TOGARAM1: variants seen among roughly 807,000 people sequenced by gnomAD.
The protein encoded by TOGARAM1 is TOG array regulator of axonemal microtubules 1, also known as TOG array regulator of axonemal microtubules protein 1.
TOGARAM1 carries 100 observed loss-of-function variants against 166.6 expected under a neutral mutation model. The observed-to-expected ratio is 0.60, with a 90% CI of 0.51 to 0.71. The LOEUF (loss-of-function observed/expected upper bound fraction) is 0.71. TOGARAM1 is among the 30% of genes least tolerant of loss of function. The probability of loss-of-function intolerance (pLI) is 0.00; values close to 1 mark genes in which losing one functional copy is unlikely to be tolerated. For synonymous variants in TOGARAM1, 758 were observed against 763.8 expected (o/e 0.99, Z 0.13); for missense variants, 2,029 against 2,102.7 (o/e 0.96, Z 0.69).
At chr14:44,972,270 G>A (rs895510135) in intron 1 of TOGARAM1, among the ~76,000 whole-genome samples, 2 of 151,732 alleles carry the variant, frequency 1.3e-5, no homozygotes, top group South Asian at 2.1e-4. Context: ...TAAAGTGTGT[G>A]TGTGTTTTTT....
At chr14:45,045,849 A>G (rs1476918902) in intron 13 of TOGARAM1, among the ~76,000 whole-genome samples, 2 of 150,770 alleles carry the variant, frequency 1.3e-5, no homozygotes, top group East Asian at 1.9e-4. Flanking sequence ...TTTTGTTGCT[A>G]TAAACATACA....
chr14:45,019,560 C>T (rs761249970), intron 7 of TOGARAM1, among the ~76,000 whole-genome samples: 1 of 152,148 alleles, frequency 6.6e-6, no homozygotes, highest in Non-Finnish European at 1.5e-5. Context: ...GTAGCCGTTG[C>T]CAGCTCGAAT....
intron 11 of TOGARAM1, among the ~76,000 whole-genome samples, chr14:45,035,711 A>G (rs1335945810): frequency 1.3e-5 from 2 of 152,172 alleles, no homozygotes; most frequent in African/African-American, 2.4e-5. Context: ...ACTACTCATC[A>G]AATACACTGC....
At chr14:45,054,634 G>A in intron 16 of TOGARAM1, 85 bp downstream of exon 16, 1 of 934,858 alleles carries the variant, frequency 1.1e-6, no homozygotes, top group Non-Finnish European at 1.6e-6. Context: ...ACTACCCCAG[G>A]GGTATTTGCC....
chr14:45,017,913 A>C (rs1283511183), intron 7 of TOGARAM1, among the ~76,000 whole-genome samples: 1 of 152,098 alleles, frequency 6.6e-6, no homozygotes, highest in Non-Finnish European at 1.5e-5. Context: ...CATTGTTAAG[A>C]ATGGTTTTTT....
Position 44,962,573 on chromosome 14 carries a change from G to A in TOGARAM1, c.152G>A (p.Arg51His). ...AGAGGAGAGAAAAACTACTACTTCC[G>A]TGGAGCTGCGGGGGACCACGGTTCC... Reference protein sequence around the residue: ...IMRGEKNYYFRGAAGDHGSCP... With the variant: ...IMRGEKNYYFHGAAGDHGSCP... Residue 51 changes from arginine to histidine, a missense_variant, in exon 1 of 20, where the codon CGT becomes CAT. Around this residue, in one of 2 missense-constraint regions of TOGARAM1, gnomAD observed 1,453 missense variants for 1,432.2 expected, o/e 1.01. Coordinates refer to ENST00000361462, the MANE Select transcript of TOGARAM1 (RefSeq NM_001308120.2). 3 of 1,613,946 alleles carry A rather than the reference G, an allele frequency of 1.9e-6. No homozygotes were observed. The highest frequency in any genetic ancestry group is 2.5e-6 in the Non-Finnish European group (3 of 1,179,886).
At chr14:44,967,017 T>C (rs1188417914) in intron 1 of TOGARAM1, among the ~76,000 whole-genome samples, 1 of 152,134 alleles carries the variant, frequency 6.6e-6, no homozygotes, top group Non-Finnish European at 1.5e-5. Flanking sequence ...GTTTTTTTTT[T>C]CTTGCTTCAG....
chr14:44,997,600 G>A (rs917697777), intron 2 of TOGARAM1, among the ~76,000 whole-genome samples: 1 of 152,034 alleles, frequency 6.6e-6, no homozygotes, highest in Non-Finnish European at 1.5e-5. Flanking sequence ...GTACTTTAGA[G>A]GAAATGGTCA....
At position 45,060,907 on chromosome 14, in the gene TOGARAM1, A is replaced by G. The variant is rs548169084; in HGVS notation, c.4560-5671A>G. On this transcript the variant is annotated intron_variant, in intron 16 of 19. Coordinates refer to ENST00000361462, the MANE Select transcript of TOGARAM1 (RefSeq NM_001308120.2). ...GGTGGTTTCTGCTAGGCACTGTACT[A>G]TTTTTCCATTTATAGTTAATAGATA... 3.4e-4 allele frequency among the ~76,000 whole-genome samples: 52 copies of G among 152,204 alleles called. No homozygotes were observed. The South Asian group carries it at 5.8e-3, about 17-fold the overall frequency.
chr14:45,035,000 GATATA>G (rs923431646), intron 11 of TOGARAM1, among the ~76,000 whole-genome samples: 5 of 152,232 alleles, frequency 3.3e-5, no homozygotes, highest in African/African-American at 9.6e-5. Flanking sequence ...CAAGTAAAGA[GATATA>G]ATATATATAA....
intron 11 of TOGARAM1, chr14:45,042,356 C>T (rs574181574): frequency 2.6e-5 from 4 of 152,046 alleles, no homozygotes; most frequent in Non-Finnish European, 1.5e-5. Flanking sequence ...TCTTTATTAC[C>T]AAGGGACAGA....
chr14:44,998,433 G>A (rs1055005353), intron 2 of TOGARAM1, among the ~76,000 whole-genome samples: 1 of 152,192 alleles, frequency 6.6e-6, no homozygotes, highest in Non-Finnish European at 1.5e-5. Flanking sequence ...AGGAGGGAGA[G>A]GCTGGGCGCT....
At chr14:44,966,174 AT>A (rs1885527821) in intron 1 of TOGARAM1, among the ~76,000 whole-genome samples, 1 of 151,368 alleles carries the variant, frequency 6.6e-6, no homozygotes, top group South Asian at 2.1e-4. Context: ...CCAAATTGTA[AT>A]TTTTAAATTA....
chr14:45,025,061 G>T (rs1471340791), intron 7 of TOGARAM1, among the ~76,000 whole-genome samples: 1 of 152,064 alleles, frequency 6.6e-6, no homozygotes, highest in Admixed American at 6.6e-5. Context: ...CTATCCCCAT[G>T]GAACTTACAG....
At chr14:45,005,207 C>A (rs371574040) in intron 4 of TOGARAM1, among the ~76,000 whole-genome samples, 1 of 152,134 alleles carries the variant, frequency 6.6e-6, no homozygotes, top group Non-Finnish European at 1.5e-5. Context: ...AGCTACTGCA[C>A]CTGGCTGAAA....
At position 44,999,484 on chromosome 14, in the gene TOGARAM1, T is replaced by G. The variant is rs963606602; in HGVS notation, c.2325T>G (p.Ser775Arg). ...TACAATTCCTAGGGACAACTAGCAGTCATCAAGAAAAAGGTATAAGTTCCA... is the reference window on the plus strand; with the variant it reads ...TACAATTCCTAGGGACAACTAGCAGGCATCAAGAAAAAGGTATAAGTTCCA... ...SDLQFLGTTS[S>R]HQEKVYASLN... is the part of the protein sequence containing the mutation. The change falls in exon 3 of 20, where the codon AGT becomes AGG. Residue 775 changes from serine (S) to arginine (R), a missense_variant. Physicochemically the swap from Ser to Arg is moderately radical, Grantham distance 110. This residue lies in a region of TOGARAM1 where 1,453 missense variants were observed against 1,432.2 expected (regional missense o/e 1.01). Transcript: ENST00000361462. 2.5e-6 allele frequency: 4 copies of G among 1,602,116 alleles called. No homozygotes were observed. The highest frequency in any genetic ancestry group is 2.6e-6 in the Non-Finnish European group (3 of 1,173,906).
rs1367387060 is a variant in TOGARAM1, at chr14:45,073,896, A to T, written c.*335A>T. On this transcript the variant is annotated 3_prime_UTR_variant, in exon 20 of 20. Coordinates refer to ENST00000361462, the MANE Select transcript of TOGARAM1 (RefSeq NM_001308120.2). ...TATATGTAAAATTAGAATTGTAATTAAAAATACACATTTTATTATGTAATC... is the reference window on the plus strand; with the variant it reads ...TATATGTAAAATTAGAATTGTAATTTAAAATACACATTTTATTATGTAATC... 1.1e-5 allele frequency: 2 copies of T among 178,726 alleles called. No homozygotes were observed. Among genetic ancestry groups the T allele is most frequent in the Non-Finnish European group, 2.3e-5 (2 of 85,280 alleles). 11.1% of individuals were successfully genotyped at this position (178,726 alleles called of 1,614,324 possible). A position where few individuals can be genotyped will look rare whatever the true frequency, so the allele number is the denominator to read the frequency against.
At position 44,963,034 on chromosome 14, in the gene TOGARAM1, A is replaced by AT. The variant is rs1885276737; in HGVS notation, c.614dup (p.Cys206MetfsTer5). The AT allele has an allele frequency of 1.2e-6, 2 of 1,614,056 alleles. No individual in the cohort carries two copies. The stretch of plus-strand genomic sequence containing the variant: ...GAAAGATGCGCTGCAGATCCTTCAT[A>AT]TATGTCTGAAACGTAGTCCTGGAGA... On this transcript the variant is annotated frameshift_variant, in exon 1 of 20. Coordinates refer to ENST00000361462, the MANE Select transcript of TOGARAM1 (RefSeq NM_001308120.2). LOFTEE classifies it high-confidence loss of function.
At chr14:45,028,529 T>A (rs1308404623) in intron 10 of TOGARAM1, among the ~76,000 whole-genome samples, 200 bp downstream of exon 10, 1 of 152,184 alleles carries the variant, frequency 6.6e-6, no homozygotes, top group East Asian at 1.9e-4. Flanking sequence ...CTTGATTATC[T>A]CAAAGGTCCA....
Sources: allele counts gnomAD v4.1 joint callset (sites outside exome capture counted in the v4.1 genomes callset), GRCh38; gene constraint gnomAD v4.1.1; regional missense constraint gnomAD v4.1.1; transcripts MANE v1.5; gene names NCBI Gene and HGNC (gene_info 2026-07-23, HGNC 2026-07-21).